The following GAS2 variants were observed in gnomAD, a reference collection of about 807,000 sequenced individuals.
The protein encoded by GAS2 is growth arrest-specific protein 2.
In GAS2, 20 loss-of-function variants were observed where a neutral mutation model predicts 37.5. The observed-to-expected ratio is 0.53, with a 90% confidence interval of 0.37 to 0.77. GAS2 has a LOEUF of 0.77. Ranked by LOEUF, GAS2 falls within the 30% of genes least tolerant of loss-of-function variation. The pLI is 0.00. For missense variants in GAS2, 336 were observed against 373.4 expected (o/e 0.90, Z 0.82); for synonymous variants, 144 against 132.2 (o/e 1.09, Z -0.61).
intron 3 of GAS2, among the ~76,000 whole-genome samples, chr11:22,715,655 T>C (rs1157473763): frequency 1.3e-5 from 2 of 151,470 alleles, no homozygotes; most frequent in African/African-American, 4.9e-5. Flanking sequence ...CAGGAAGAAA[T>C]AGAAACTCTG....
intron 3 of GAS2, among the ~76,000 whole-genome samples, chr11:22,723,583 C>T (rs1039493512): frequency 6.6e-6 from 1 of 151,768 alleles, no homozygotes; most frequent in African/African-American, 2.4e-5. Flanking sequence ...CTTTTTGCCA[C>T]ATAGATCATG....
chr11:22,746,473 T>C (rs997810819), intron 5 of GAS2, among the ~76,000 whole-genome samples: 1 of 152,168 alleles, frequency 6.6e-6, no homozygotes, highest in South Asian at 2.1e-4. Context: ...TGCCCATCAA[T>C]GGTGGATTGG....
intron 3 of GAS2, among the ~76,000 whole-genome samples, chr11:22,725,483 C>T (rs898204713): frequency 6.6e-6 from 1 of 152,080 alleles, no homozygotes; most frequent in African/African-American, 2.4e-5. Flanking sequence ...AGTTGAAGTG[C>T]GGTGGCATGA....
At chr11:22,781,837 A>G (rs1590124242) in intron 7 of GAS2, among the ~76,000 whole-genome samples, 1 of 152,306 alleles carries the variant, frequency 6.6e-6, no homozygotes, top group Non-Finnish European at 1.5e-5. Flanking sequence ...TTGTGCTTAT[A>G]AAAATTGGGA....
intron 7 of GAS2, among the ~76,000 whole-genome samples, chr11:22,756,347 T>C (rs766875768): frequency 6.6e-6 from 1 of 152,124 alleles, no homozygotes; most frequent in Non-Finnish European, 1.5e-5. Context: ...TTCCTAGAAA[T>C]CTGCAGTTGT....
At chr11:22,692,279 G>A (rs1236369800) in intron 3 of GAS2, among the ~76,000 whole-genome samples, 1 of 152,104 alleles carries the variant, frequency 6.6e-6, no homozygotes, top group East Asian at 1.9e-4. Flanking sequence ...CATGGCACTT[G>A]TACTTGTAAA....
At chr11:22,665,914 C>T (rs1848977102), upstream of GAS2, among the ~76,000 whole-genome samples, 1 of 152,314 alleles carries the variant, frequency 6.6e-6, no homozygotes, top group South Asian at 2.1e-4. Flanking sequence ...CCATTGTAAA[C>T]ATTGGATGGC....
chr11:22,707,282 A>G (rs1228669007), intron 3 of GAS2, among the ~76,000 whole-genome samples: 3 of 152,154 alleles, frequency 2.0e-5, no homozygotes, highest in African/African-American at 7.2e-5. Flanking sequence ...TTGTACCTTC[A>G]TGAGTACCTG....
At chr11:22,637,261 AT>A (rs1235996267) in intron 1 of GAS2, among the ~76,000 whole-genome samples, 7 of 1,194 alleles carry the variant, frequency 5.9e-3, no homozygotes, top group Admixed American at 0.015. Context: ...GTATACTAAT[AT>A]ATTAATTATA....
chr11:22,789,311 C>T (rs773295465), intron 7 of GAS2, among the ~76,000 whole-genome samples: 8,218 of 94,312 alleles, frequency 0.087, 437 homozygotes, highest in African/African-American at 0.19. Flanking sequence ...TATACACACA[C>T]ACACACACAC....
intron 1 of GAS2, among the ~76,000 whole-genome samples, chr11:22,638,323 C>G (rs1264042120): frequency 6.6e-6 from 1 of 151,494 alleles, no homozygotes; most frequent in Non-Finnish European, 1.5e-5. Context: ...TACATTGGAT[C>G]TAAGTTTTGT....
chr11:22,800,792 A>G (rs1856628829), intron 7 of GAS2, among the ~76,000 whole-genome samples: 1 of 152,102 alleles, frequency 6.6e-6, no homozygotes, highest in Non-Finnish European at 1.5e-5. Flanking sequence ...ATAAAATATA[A>G]ACATGAACTT....
chr11:22,678,940 A>C (rs1042275295), intron 2 of GAS2, among the ~76,000 whole-genome samples: 1 of 152,082 alleles, frequency 6.6e-6, no homozygotes, highest in Non-Finnish European at 1.5e-5. Flanking sequence ...GGATTAAAGC[A>C]TCAACTGCAA....
chr11:22,719,103 A>G (rs1851825737), intron 3 of GAS2, among the ~76,000 whole-genome samples: 1 of 152,138 alleles, frequency 6.6e-6, no homozygotes, highest in African/African-American at 2.4e-5. Flanking sequence ...GTTTTCATAT[A>G]TGCATACGTT....
chr11:22,704,623 A>T (rs547369501), intron 3 of GAS2, among the ~76,000 whole-genome samples: 1 of 140,302 alleles, frequency 7.1e-6, no homozygotes, highest in East Asian at 2.1e-4. Context: ...ATATATATAT[A>T]TTTTGCTCAT....
chr11:22,755,359 A>G (rs1417533807), intron 6 of GAS2, among the ~76,000 whole-genome samples: 1 of 152,086 alleles, frequency 6.6e-6, no homozygotes, highest in Non-Finnish European at 1.5e-5. Flanking sequence ...AGATGAAACA[A>G]TAGTCTCCTT....
intron 1 of GAS2, among the ~76,000 whole-genome samples, chr11:22,637,806 T>C (rs1858857361): frequency 6.8e-6 from 1 of 147,300 alleles, no homozygotes; most frequent in Non-Finnish European, 1.5e-5. Flanking sequence ...TATTTATGTA[T>C]AAATTGTATA....
At chr11:22,723,923 T>C (rs1244684463) in intron 3 of GAS2, among the ~76,000 whole-genome samples, 1 of 151,882 alleles carries the variant, frequency 6.6e-6, no homozygotes, top group East Asian at 1.9e-4. Flanking sequence ...ATTGATAAAA[T>C]ATAAAAGTCA....
intron 1 of GAS2, among the ~76,000 whole-genome samples, chr11:22,639,026 CTA>C (rs1315202343): frequency 6.6e-6 from 1 of 151,990 alleles, no homozygotes; most frequent in Non-Finnish European, 1.5e-5. Context: ...TTAGTGGCAA[CTA>C]TAAAGAGCAA....
Sources: gnomAD v4.1 joint callset for allele counts (sites outside exome capture counted in the v4.1 genomes callset) on GRCh38, gnomAD v4.1.1 for gene constraint, MANE v1.5 for transcripts, NCBI Gene and HGNC (gene_info 2026-07-23, HGNC 2026-07-21) for gene names.